The following HTT variants were observed in gnomAD, a reference collection of about 807,000 sequenced individuals.
HTT encodes huntington disease protein.
HTT carries 104 observed loss-of-function variants against 362.3 expected under a neutral mutation model. The observed-to-expected ratio is 0.29, with a 90% CI of 0.24 to 0.34. The LOEUF (loss-of-function observed/expected upper bound fraction) is 0.34. Ranked by LOEUF, HTT falls within the 10% of genes least tolerant of loss-of-function variation. The pLI is 1.00. For synonymous variants in HTT, 1,577 were observed against 1,548.7 expected, an observed-to-expected ratio of 1.02 and a Z score of -0.43; for missense variants, 3,301 against 3,928.6, an observed-to-expected ratio of 0.84 and a Z score of 4.27.
At chr4:3,094,417 A>T (rs187134705) in intron 2 of HTT, among the ~76,000 whole-genome samples, 1 of 152,076 alleles carries the variant, frequency 6.6e-6, no homozygotes, top group African/African-American at 2.4e-5. Context: ...ACTGTTCTCA[A>T]TGAGCTATTG....
At chr4:3,132,369 G>C (rs980767953) in intron 16 of HTT, among the ~76,000 whole-genome samples, 193 bp from the exon 17 acceptor site, 1 of 151,908 alleles carries the variant, frequency 6.6e-6, no homozygotes, top group African/African-American at 2.4e-5. Context: ...TTGGCAATAT[G>C]ATGAATCTCT....
chr4:3,201,529 C>CA (rs925357780), intron 41 of HTT, among the ~76,000 whole-genome samples: 4,269 of 56,780 alleles, frequency 0.075, 174 homozygotes, highest in African/African-American at 0.12. Flanking sequence ...GACTCCATCT[C>CA]AAAAAAAAAA....
intron 37 of HTT, among the ~76,000 whole-genome samples, chr4:3,184,968 C>T (rs532290857): frequency 3.9e-5 from 6 of 151,970 alleles, no homozygotes; most frequent in Non-Finnish European, 5.9e-5. Flanking sequence ...TGCAGGAGGG[C>T]GACATCTGCT....
intron 2 of HTT, among the ~76,000 whole-genome samples, chr4:3,093,394 A>C: frequency 6.6e-6 from 1 of 152,210 alleles, no homozygotes; most frequent in Admixed American, 6.6e-5. Flanking sequence ...TCGCAACAAA[A>C]ATAATATATT....
chr4:3,126,518 G>C (rs891343922), intron 11 of HTT, among the ~76,000 whole-genome samples: 2 of 151,970 alleles, frequency 1.3e-5, no homozygotes, highest in African/African-American at 4.8e-5. Flanking sequence ...TATTTAGAGA[G>C]GAAAATCTGA....
chr4:3,138,162 C>A (rs1716166658), intron 21 of HTT, among the ~76,000 whole-genome samples: 3 of 149,024 alleles, frequency 2.0e-5, no homozygotes, highest in Admixed American at 2.0e-4. Flanking sequence ...TTCCCTTCCC[C>A]TTTTCCCTTC....
intron 29 of HTT, among the ~76,000 whole-genome samples, chr4:3,161,129 T>A (rs1411373284): frequency 6.6e-6 from 1 of 152,166 alleles, no homozygotes; most frequent in Non-Finnish European, 1.5e-5. Context: ...TGCCCATGTG[T>A]TCTCATTGTT....
chr4:3,203,642 G>A (rs1262821591), intron 41 of HTT, among the ~76,000 whole-genome samples: 1 of 152,206 alleles, frequency 6.6e-6, no homozygotes, highest in Non-Finnish European at 1.5e-5. Context: ...CTGGCAGTTG[G>A]CAACTTTCAC....
Position 3,240,005 on chromosome 4 carries a change from A to G in HTT, c.9375A>G (p.Pro3125=), listed in dbSNP as rs1046710132. The stretch of plus-strand genomic sequence containing the variant: ...AGGTGGTTGCAGCCCCAGGAAGCCC[A>G]TATCACCGGCTGCTGACTTGTTTAC... ...VLEVVAAPGS[P]YHRLLTCLRN... The change falls in exon 67 of 67, where the codon CCA becomes CCG. Residue 3125 remains proline, a synonymous_variant. Transcript: ENST00000355072. The G allele has an allele frequency of 4.4e-6, 7 of 1,601,690 alleles. No individual in the cohort carries two copies. Among genetic ancestry groups the G allele is most frequent in the African/African-American group, 2.7e-5 (2 of 74,824 alleles).
At chr4:3,189,885 G>T (rs1275842150) in intron 40 of HTT, among the ~76,000 whole-genome samples, 1 of 152,142 alleles carries the variant, frequency 6.6e-6, no homozygotes, top group Non-Finnish European at 1.5e-5. Flanking sequence ...GGGGATAGTG[G>T]TGTGCATGTG....
At chr4:3,197,199 G>C (rs1719293869) in intron 40 of HTT, among the ~76,000 whole-genome samples, 1 of 151,970 alleles carries the variant, frequency 6.6e-6, no homozygotes, top group Non-Finnish European at 1.5e-5. Flanking sequence ...CTGTGTTTCT[G>C]CCTCTCTCCT....
intron 1 of HTT, among the ~76,000 whole-genome samples, chr4:3,082,760 G>T (rs946377245): frequency 2.6e-5 from 4 of 152,026 alleles, no homozygotes; most frequent in Non-Finnish European, 5.9e-5. Flanking sequence ...GTGTAGCTGA[G>T]GTGGCCTTGC....
Position 3,212,640 on chromosome 4 carries a change from G to T in HTT, c.6705G>T (p.Leu2235=), listed in dbSNP as rs767682471. The T allele has an allele frequency of 2.5e-6, 4 of 1,614,212 alleles. No homozygotes were observed. In the Admixed American group the frequency reaches 5.0e-5, roughly 20 times the overall value. The change falls in exon 49 of 67, where the codon CTG becomes CTT. Residue 2235 remains leucine (L), a synonymous_variant. Coordinates refer to ENST00000355072, the MANE Select transcript of HTT (RefSeq NM_001388492.1). The part of the protein sequence containing the change: ...LAQYLVVVSK[L]PSHLHLPPEK... ...AGTACCTGGTGGTGGTCTCCAAACT[G>T]CCCAGTCATTTGCACCTTCCTCCTG... is the stretch of plus-strand genomic sequence containing the variant.
At chr4:3,182,131 C>T (rs777814854) in intron 36 of HTT, among the ~76,000 whole-genome samples, 10 of 152,206 alleles carry the variant, frequency 6.6e-5, no homozygotes, top group Non-Finnish European at 1.3e-4. Context: ...AAAGTGTGCA[C>T]CTTGTATGTG....
At chr4:3,209,348 C>T (rs1720025984) in intron 46 of HTT, among the ~76,000 whole-genome samples, 1 of 152,178 alleles carries the variant, frequency 6.6e-6, no homozygotes, top group Non-Finnish European at 1.5e-5. Flanking sequence ...CTTGGTAGAG[C>T]CTTGGTAGAG....
At chr4:3,171,401 CTG>C (rs1717963963) in intron 29 of HTT, among the ~76,000 whole-genome samples, 3 of 151,532 alleles carry the variant, frequency 2.0e-5, no homozygotes, top group Admixed American at 6.6e-5. Context: ...GCTGTGCATT[CTG>C]AATGCCTAGG....
At chr4:3,133,902 G>A (rs1019777280) in intron 18 of HTT, among the ~76,000 whole-genome samples, 2 of 152,164 alleles carry the variant, frequency 1.3e-5, no homozygotes, top group Admixed American at 1.3e-4. Flanking sequence ...GGGGGTCTTT[G>A]TGTCAGCCAT....
At chr4:3,194,155 A>G (rs1249550718) in intron 40 of HTT, among the ~76,000 whole-genome samples, 1 of 152,206 alleles carries the variant, frequency 6.6e-6, no homozygotes, top group Non-Finnish European at 1.5e-5. Context: ...TTCCACCCAT[A>G]AACCGAAAAT....
chr4:3,148,976 C>T (rs1716747895), intron 26 of HTT, among the ~76,000 whole-genome samples: 1 of 152,158 alleles, frequency 6.6e-6, no homozygotes, highest in Non-Finnish European at 1.5e-5. Context: ...AAAAATGTGA[C>T]CATGTGTTTT....
Sources: allele counts gnomAD v4.1 joint callset (sites outside exome capture counted in the v4.1 genomes callset), GRCh38; gene constraint gnomAD v4.1.1; transcripts MANE v1.5; gene names NCBI Gene and HGNC (gene_info 2026-07-23, HGNC 2026-07-21).